The following KIAA1217 variants were observed in gnomAD, a reference collection of about 807,000 sequenced individuals.
The protein encoded by KIAA1217 is sickle tail protein homolog.
Under a neutral mutation model 163.9 loss-of-function variants are expected in KIAA1217, and 88 were observed. That is an observed-to-expected ratio of 0.54 (90% CI 0.45 to 0.64). KIAA1217 has a LOEUF of 0.64. Ranked by LOEUF, KIAA1217 falls within the 30% of genes least tolerant of loss-of-function variation. The pLI is 0.00. For missense variants in KIAA1217, 2,372 were observed against 2,475.0 expected, an observed-to-expected ratio of 0.96 and a Z score of 0.88; for synonymous variants, 903 against 923.1, an observed-to-expected ratio of 0.98 and a Z score of 0.39.
intron 5 of KIAA1217, among the ~76,000 whole-genome samples, chr10:24,447,286 T>G (rs1012582722): frequency 1.3e-5 from 2 of 152,102 alleles, no homozygotes; most frequent in African/African-American, 2.4e-5. Flanking sequence ...GGGGTACATG[T>G]GCACAATGTG....
chr10:23,902,756 G>A (rs533644503), intron 1 of KIAA1217, among the ~76,000 whole-genome samples: 5 of 152,228 alleles, frequency 3.3e-5, no homozygotes, highest in African/African-American at 9.6e-5. Context: ...GAAAAGAAAC[G>A]TGCAGCAGAG....
intron 2 of KIAA1217, among the ~76,000 whole-genome samples, chr10:24,345,539 G>A (rs1428072465): frequency 6.6e-6 from 1 of 152,208 alleles, no homozygotes; most frequent in African/African-American, 2.4e-5. Context: ...TCTTCAGTCC[G>A]ACTTGATTGA....
At chr10:24,289,817 G>A (rs181262502) in intron 2 of KIAA1217, among the ~76,000 whole-genome samples, 259 of 152,254 alleles carry the variant, frequency 1.7e-3, no homozygotes, top group Admixed American at 2.7e-3. Flanking sequence ...TGGGCTGTGT[G>A]GGGGTGGTAG....
intron 1 of KIAA1217, among the ~76,000 whole-genome samples, chr10:23,745,899 T>C (rs561840512): frequency 6.0e-4 from 91 of 152,338 alleles, no homozygotes; most frequent in Non-Finnish European, 1.1e-3. Context: ...AAGAGAAGGC[T>C]AACCCATACT....
Position 24,433,002 on chromosome 10 carries a change from C to T in KIAA1217, c.561C>T (p.Leu187=). Residue 187 remains leucine (L), a synonymous_variant, in exon 4 of 21, where the codon CTC becomes CTT. Coordinates refer to ENST00000376454, the MANE Select transcript of KIAA1217 (RefSeq NM_019590.5). ...TGTTTCCTTTGTGTGCAGGGGTTCT[C>T]TATCTCCAGTATGGAGATGAAACCA... ...NQTKERSLGV[L]YLQYGDETKQ... The T allele has an allele frequency of 6.2e-7, 1 of 1,613,444 alleles. No homozygotes were observed. Among genetic ancestry groups the T allele is most frequent in the Middle Eastern group, 1.7e-4 (1 of 6,060 alleles).
chr10:23,999,478 G>A (rs17579190), intron 1 of KIAA1217, among the ~76,000 whole-genome samples: 4,222 of 152,172 alleles, frequency 0.028, 85 homozygotes, highest in Non-Finnish European at 0.043. Flanking sequence ...TCTACCCTTC[G>A]CGTCATCTTG....
intron 2 of KIAA1217, among the ~76,000 whole-genome samples, chr10:24,135,211 C>T (rs1022345088): frequency 2.0e-5 from 3 of 152,170 alleles, no homozygotes; most frequent in Admixed American, 6.5e-5. Flanking sequence ...ATGGAGATTC[C>T]AAGCAGCGGG....
chr10:24,473,663 G>A lies in KIAA1217; in HGVS notation c.1282G>A (p.Ala428Thr), dbSNP rs368870981. Residue 428 changes from alanine (A) to threonine (T), a missense_variant, in exon 6 of 21, where the codon GCC becomes ACC. Transcript: ENST00000376454. ...PDHIIAYHRT[A>T]IRSASAYCNP... Reference sequence around the variant, plus strand: ...CCACATCATTGCATATCACCGCACCGCCATCCGGTCAGCGAGTGCTTATTG... The same window carrying A: ...CCACATCATTGCATATCACCGCACCACCATCCGGTCAGCGAGTGCTTATTG... The A allele has an allele frequency of 5.6e-6, 9 of 1,613,982 alleles. No homozygotes were observed. The highest frequency in any genetic ancestry group is 5.1e-6 in the Non-Finnish European group (6 of 1,180,016).
At chr10:24,208,985 G>A (rs1240330722), upstream of KIAA1217, 4 of 564,270 alleles carry the variant, frequency 7.1e-6, no homozygotes, top group Admixed American at 3.1e-5. Context: ...AGGGCCAGGG[G>A]CAGGGGAGAT....
At position 24,140,006 on chromosome 10, in the gene KIAA1217, CT is replaced by C. The variant is rs796592635; in HGVS notation, c.-170-79609del. 2.8e-3 allele frequency among the ~76,000 whole-genome samples: 419 copies of C among 149,128 alleles called. 2 individuals are homozygous for C. The highest frequency in any genetic ancestry group is 8.2e-3 in the African/African-American group (335 of 40,704). Reference sequence around the variant, plus strand: ...CATAGATCTTGGCAACCTCAGCATACTTTTTTTTTTTCCCCCTTATCAAATT... The same window carrying C: ...CATAGATCTTGGCAACCTCAGCATACTTTTTTTTTTCCCCCTTATCAAATT... On this transcript the variant is annotated intron_variant, in intron 2 of 18. Transcript: ENST00000376462.
At chr10:24,142,074 T>TG (rs1353350531) in intron 2 of KIAA1217, among the ~76,000 whole-genome samples, 1 of 151,610 alleles carries the variant, frequency 6.6e-6, no homozygotes, top group Non-Finnish European at 1.5e-5. Flanking sequence ...ATTTTTTTGT[T>TG]TTTTTTTTCT....
intron 2 of KIAA1217, among the ~76,000 whole-genome samples, chr10:24,141,690 A>G (rs1440658146): frequency 6.6e-6 from 1 of 152,190 alleles, no homozygotes; most frequent in African/African-American, 2.4e-5. Context: ...ACAGACGCAA[A>G]CAGCACTCCA....
chr10:24,285,169 A>T (rs1052445176), intron 2 of KIAA1217, among the ~76,000 whole-genome samples: 9 of 152,158 alleles, frequency 5.9e-5, no homozygotes, highest in African/African-American at 2.2e-4. Flanking sequence ...ATTTTCTCTC[A>T]TTCTGTAGGT....
chr10:24,279,068 A>G (rs983456204), intron 2 of KIAA1217, among the ~76,000 whole-genome samples: 2 of 151,900 alleles, frequency 1.3e-5, no homozygotes, highest in African/African-American at 2.4e-5. Context: ...TTGAACTCCC[A>G]ACCTCAGGTG....
At chr10:24,508,232 G>C (rs139169415) in intron 9 of KIAA1217, among the ~76,000 whole-genome samples, 1 of 152,066 alleles carries the variant, frequency 6.6e-6, no homozygotes, top group Non-Finnish European at 1.5e-5. Context: ...AAAAATCAAC[G>C]TATTTGACCT....
At chr10:24,058,257 C>T (rs1308629959) in intron 2 of KIAA1217, among the ~76,000 whole-genome samples, 2 of 152,116 alleles carry the variant, frequency 1.3e-5, no homozygotes, top group Non-Finnish European at 2.9e-5. Context: ...GTCTATATGT[C>T]TGTCTTTATG....
chr10:24,003,329 A>T (rs1451548725), intron 1 of KIAA1217, among the ~76,000 whole-genome samples: 1 of 151,924 alleles, frequency 6.6e-6, no homozygotes, highest in Non-Finnish European at 1.5e-5. Flanking sequence ...TTATTTTTTG[A>T]TTTTTTAATT....
chr10:24,527,076 A>C (rs1592676546), intron 13 of KIAA1217, among the ~76,000 whole-genome samples: 1 of 152,270 alleles, frequency 6.6e-6, no homozygotes, highest in East Asian at 1.9e-4. Flanking sequence ...AAAAGTATGC[A>C]GATGTTTTAA....
intron 13 of KIAA1217, among the ~76,000 whole-genome samples, chr10:24,525,027 C>CCTGT (rs1347875286): frequency 1.1e-4 from 17 of 151,068 alleles, no homozygotes; most frequent in African/African-American, 1.7e-4. Context: ...GGTGAGACAG[C>CCTGT]AGTGTGCTGG....
Sources: gnomAD v4.1 joint callset for allele counts (sites outside exome capture counted in the v4.1 genomes callset) on GRCh38, gnomAD v4.1.1 for gene constraint, MANE v1.5 for transcripts, NCBI Gene and HGNC (gene_info 2026-07-23, HGNC 2026-07-21) for gene names.